Variants in PIK3C2G observed in about 807,000 individuals in gnomAD.
PIK3C2G encodes the protein phosphatidylinositol-4-phosphate 3-kinase catalytic subunit type 2 gamma.
Under a neutral mutation model 181.1 loss-of-function variants are expected in PIK3C2G, and 168 were observed. The ratio of observed to expected loss-of-function variants is 0.93; its 90% CI spans 0.82 to 1.05. The LOEUF is 1.05. PIK3C2G is among the 50% of genes least tolerant of loss of function. PIK3C2G has a pLI of 0.00. For missense variants in PIK3C2G, 1,869 were observed against 1,732.8 expected (o/e 1.08, Z -1.40); for synonymous variants, 573 against 592.2 (o/e 0.97, Z 0.47).
chr12:18,425,386 CTT>C (rs1228477062), intron 18 of PIK3C2G, among the ~76,000 whole-genome samples: 3 of 65,314 alleles, frequency 4.6e-5, no homozygotes, highest in African/African-American at 6.1e-5. Flanking sequence ...ACAGACATTT[CTT>C]TTTTTTTTTT....
intron 18 of PIK3C2G, among the ~76,000 whole-genome samples, chr12:18,472,145 A>G (rs942602756): frequency 3.3e-5 from 5 of 152,182 alleles, no homozygotes; most frequent in Non-Finnish European, 5.9e-5. Flanking sequence ...ATTCAAAAAT[A>G]TGTTCAAATG....
At chr12:18,437,837 A>G (rs1181124127) in intron 18 of PIK3C2G, among the ~76,000 whole-genome samples, 1 of 151,938 alleles carries the variant, frequency 6.6e-6, no homozygotes, top group Non-Finnish European at 1.5e-5. Flanking sequence ...GCATAAGTAG[A>G]CTGGTAGACG....
chr12:18,381,771 C>A lies in PIK3C2G; in HGVS notation c.1886C>A (p.Ser629Tyr). ...TCLPLFPKEK[S>Y]ILGSMLFSMT... ...GTGTGTGTTGTCTTTTGCAGAAAAT[C>A]CATTCTCGGGTCTATGCTGTTCAGC... Residue 629 changes from serine (S) to tyrosine (Y), a missense_variant, in exon 14 of 33, where the codon TCC (serine) becomes TAC (tyrosine). Physicochemically the swap from Ser to Tyr is moderately radical, Grantham distance 144 (BLOSUM62 -2). Coordinates refer to ENST00000538779, the MANE Select transcript of PIK3C2G (RefSeq NM_001288772.2). 1 of 1,599,858 alleles carries A rather than the reference C, an allele frequency of 6.3e-7. No individual in the cohort carries two copies. The highest frequency in any genetic ancestry group is 1.7e-5 in the Admixed American group (1 of 59,980).
chr12:18,681,187 A>G, the PIK3C2G span, among the ~76,000 whole-genome samples: 1 of 151,952 alleles, frequency 6.6e-6, no homozygotes. Context: ...TAGCAACACT[A>G]AAGTCTGGCT....
chr12:18,398,952 T>C (rs889006230), intron 15 of PIK3C2G, among the ~76,000 whole-genome samples: 3 of 152,006 alleles, frequency 2.0e-5, no homozygotes, highest in Non-Finnish European at 2.9e-5. Flanking sequence ...TCCCAGCACT[T>C]TGGGAGGCCG....
chr12:18,608,352 A>G (rs1376906681), intron 30 of PIK3C2G, among the ~76,000 whole-genome samples: 10 of 152,124 alleles, frequency 6.6e-5, no homozygotes, highest in Non-Finnish European at 1.3e-4. Context: ...TGTGGCACAT[A>G]TACACCATGG....
chr12:18,685,969 A>G, the PIK3C2G span, among the ~76,000 whole-genome samples: 1 of 152,074 alleles, frequency 6.6e-6, no homozygotes, highest in African/African-American at 2.4e-5. Context: ...TGATGAAAAT[A>G]GTTATCCTAG....
the PIK3C2G span, chr12:18,700,021 A>G: frequency 8.0e-7 from 1 of 1,244,824 alleles, no homozygotes; most frequent in Non-Finnish European, 1.1e-6. Context: ...TCTAGTAAAG[A>G]AAATACACTT....
the PIK3C2G span, among the ~76,000 whole-genome samples, chr12:18,658,040 A>G: frequency 6.6e-6 from 1 of 152,182 alleles, no homozygotes; most frequent in South Asian, 2.1e-4. Flanking sequence ...TTAAAAAATT[A>G]TAACAACTGA....
chr12:18,646,406 G>A (rs1394320676), intron 32 of PIK3C2G, among the ~76,000 whole-genome samples: 5 of 152,108 alleles, frequency 3.3e-5, no homozygotes, highest in African/African-American at 9.7e-5. Flanking sequence ...AGGGTAGACC[G>A]CATTCGCATA....
the PIK3C2G span, among the ~76,000 whole-genome samples, chr12:18,704,310 G>A: frequency 2.6e-5 from 4 of 152,004 alleles, no homozygotes; most frequent in Non-Finnish European, 4.4e-5. Context: ...AATTTGGGCC[G>A]TGAGAGGGAG....
intron 26 of PIK3C2G, among the ~76,000 whole-genome samples, chr12:18,562,190 C>T (rs1945381469): frequency 6.6e-6 from 1 of 152,092 alleles, no homozygotes; most frequent in African/African-American, 2.4e-5. Flanking sequence ...GGAGTGCAGC[C>T]GCAGGATCTC....
chr12:18,286,598 A>C (rs574891805), intron 2 of PIK3C2G, among the ~76,000 whole-genome samples: 1 of 152,242 alleles, frequency 6.6e-6, no homozygotes, highest in East Asian at 1.9e-4. Context: ...GACATTTTCT[A>C]AAATGAAAGA....
the PIK3C2G span, among the ~76,000 whole-genome samples, chr12:18,664,178 C>T: frequency 0.012 from 1,796 of 152,212 alleles, 149 homozygotes; most frequent in Admixed American, 0.11. Context: ...TTGGTAGGAA[C>T]GTAAAATGGT....
At chr12:18,683,042 G>A in the PIK3C2G span, 2 of 596,754 alleles carry the variant, frequency 3.4e-6, no homozygotes, top group Non-Finnish European at 3.0e-6. Flanking sequence ...CGCCATGCTG[G>A]GTTAGGACCC....
At chr12:18,308,571 C>T (rs537061140) in intron 5 of PIK3C2G, among the ~76,000 whole-genome samples, 42 of 150,784 alleles carry the variant, frequency 2.8e-4, no homozygotes, top group African/African-American at 1.0e-3. Context: ...GCTGTATTAA[C>T]ACTCTTTATT....
At chr12:18,310,444 C>T (rs1220225189) in intron 5 of PIK3C2G, among the ~76,000 whole-genome samples, 1 of 151,826 alleles carries the variant, frequency 6.6e-6, no homozygotes, top group Non-Finnish European at 1.5e-5. Context: ...AACTAATCTA[C>T]TACTTTTTAT....
chr12:18,451,111 A>G (rs1947325274), intron 18 of PIK3C2G, among the ~76,000 whole-genome samples: 1 of 152,212 alleles, frequency 6.6e-6, no homozygotes, highest in African/African-American at 2.4e-5. Context: ...AATTCTGTTA[A>G]GAAAGTCAAT....
At chr12:18,568,785 C>T (rs75056671) in intron 29 of PIK3C2G, among the ~76,000 whole-genome samples, 5,450 of 152,222 alleles carry the variant, frequency 0.036, 203 homozygotes, top group African/African-American at 0.094. Flanking sequence ...TCACAAGAGT[C>T]GTGAGGAACT....
Sources: gnomAD v4.1 joint callset for allele counts (sites outside exome capture counted in the v4.1 genomes callset) on GRCh38, gnomAD v4.1.1 for gene constraint, MANE v1.5 for transcripts, NCBI Gene and HGNC (gene_info 2026-07-23, HGNC 2026-07-21) for gene names.